PIK3R3: variants seen among roughly 807,000 people sequenced by gnomAD.
PIK3R3 encodes the protein phosphatidylinositol 3-kinase regulatory subunit gamma.
A neutral mutation model predicts 62.9 loss-of-function variants in PIK3R3; 64 were observed. The ratio of observed to expected loss-of-function variants is 1.02; its 90% confidence interval spans 0.83 to 1.25. The LOEUF (loss-of-function observed/expected upper bound fraction) is 1.25. Ranked by LOEUF, PIK3R3 falls within the 50% of genes most tolerant of loss-of-function variation. PIK3R3 has a pLI of 0.00. For synonymous variants in PIK3R3, 165 were observed against 189.0 expected (o/e 0.87, Z 1.04); for missense variants, 614 against 561.6 (o/e 1.09, Z -0.94).
At chr1:46,141,657 A>C in the PIK3R3 span, among the ~76,000 whole-genome samples, 1 of 152,366 alleles carries the variant, frequency 6.6e-6, no homozygotes, top group South Asian at 2.1e-4. Context: ...TGTAAGTCAC[A>C]TTAAATATAG....
At chr1:46,153,911 T>A in the PIK3R3 span, among the ~76,000 whole-genome samples, 2 of 152,222 alleles carry the variant, frequency 1.3e-5, no homozygotes, top group African/African-American at 4.8e-5. Flanking sequence ...TCTGTCAGGA[T>A]CAGATAACTT....
chr1:46,164,086 C>T, the PIK3R3 span, among the ~76,000 whole-genome samples: 1 of 152,180 alleles, frequency 6.6e-6, no homozygotes, highest in Non-Finnish European at 1.5e-5. Context: ...ACGAATAATA[C>T]CTCTCCCATC....
chr1:46,087,683 C>T (rs1014473893), intron 1 of PIK3R3, among the ~76,000 whole-genome samples: 8 of 144,508 alleles, frequency 5.5e-5, no homozygotes, highest in East Asian at 2.0e-4. Context: ...GATCTTCCTG[C>T]CTTGGCCTCC....
In PIK3R3 at chr1:46,066,188, G is replaced by T; in HGVS notation, c.496-9C>A. On this transcript the variant is annotated splice_polypyrimidine_tract_variant and intron_variant, in intron 4 of 9. Transcript: ENST00000262741. ...TCTTTTACCAACTGATCCTATACAG[G>T]TAAAGAAAAAAATAAAGAATGTTAA... 6.5e-7 allele frequency: 1 copy of T among 1,528,976 alleles called. No homozygotes were observed. Among genetic ancestry groups the T allele is most frequent in the South Asian group, 1.2e-5 (1 of 85,290 alleles). The allele number at this position is 1,528,976 out of a possible 1,614,324, so 94.7% of individuals were successfully genotyped here. A position where few individuals can be genotyped will look rare whatever the true frequency, so the allele number is the denominator to read the frequency against.
rs766487740 is a variant in PIK3R3 at position 46,066,984 on chromosome 1, T to C, written c.422A>G (p.His141Arg). The change falls in exon 4 of 10, where the codon CAC (histidine) becomes CGC (arginine). Residue 141 changes from histidine to arginine, a missense_variant. Coordinates refer to ENST00000262741, the MANE Select transcript of PIK3R3 (RefSeq NM_003629.4). ...NSVVELINHY[H>R]HESLAQYNPK... ...ATTGTACTGAGCAAGAGATTCATGGTGATAGTGGTTAATGAGCTCCACCAC... is the reference window on the plus strand; with the variant it reads ...ATTGTACTGAGCAAGAGATTCATGGCGATAGTGGTTAATGAGCTCCACCAC... The C allele has an allele frequency of 1.9e-6, 3 of 1,611,096 alleles. No individual in the cohort carries two copies. The highest frequency in any genetic ancestry group is 2.5e-6 in the Non-Finnish European group (3 of 1,178,738).
chr1:46,166,498 G>C, the PIK3R3 span, among the ~76,000 whole-genome samples: 1 of 152,082 alleles, frequency 6.6e-6, no homozygotes, highest in Non-Finnish European at 1.5e-5. Context: ...GCTGGGAGGC[G>C]TGAGCCACCA....
At chr1:46,053,969 AC>A (rs1385249629) in intron 7 of PIK3R3, among the ~76,000 whole-genome samples, 1 of 152,174 alleles carries the variant, frequency 6.6e-6, no homozygotes, top group Non-Finnish European at 1.5e-5. Flanking sequence ...TGCCTTGTTT[AC>A]AAAGCTCTTC....
intron 1 of PIK3R3, among the ~76,000 whole-genome samples, chr1:46,106,103 G>GTTTA (rs957019640): frequency 1.3e-5 from 2 of 152,046 alleles, no homozygotes; most frequent in Non-Finnish European, 2.9e-5. Context: ...GCAATCATTT[G>GTTTA]TTTATTTATT....
At chr1:46,148,716 C>G in the PIK3R3 span, among the ~76,000 whole-genome samples, 1 of 149,170 alleles carries the variant, frequency 6.7e-6, no homozygotes, top group Admixed American at 6.7e-5. Flanking sequence ...TCTTGAAGAA[C>G]CATTGTTCGT....
At chr1:46,114,579 T>C (rs940295360) in intron 1 of PIK3R3, among the ~76,000 whole-genome samples, 2 of 151,964 alleles carry the variant, frequency 1.3e-5, no homozygotes, top group African/African-American at 2.4e-5. Flanking sequence ...ACTAGACATT[T>C]TGGGGGTAGG....
In PIK3R3 at chr1:46,070,593, G is replaced by T. The variant is rs76942572; in HGVS notation, c.315-3502C>A. Among the ~76,000 whole-genome samples the T allele has an allele frequency of 6.9e-3, 1,045 of 152,288 alleles. 12 individuals carry two copies. The highest frequency in any genetic ancestry group is 0.024 in the African/African-American group (1,008 of 41,562). On this transcript the variant is annotated intron_variant, in intron 3 of 9. Transcript: ENST00000262741. ...TGGGCAGTTTTAAAGGTCACTTAAG[G>T]TTAGTGGTCATAATTAATGTGAAAC...
At chr1:46,145,218 A>G in the PIK3R3 span, among the ~76,000 whole-genome samples, 1 of 151,704 alleles carries the variant, frequency 6.6e-6, no homozygotes, top group Non-Finnish European at 1.5e-5. Flanking sequence ...GGAGGGAGAG[A>G]ACTGACCCCT....
intron 1 of PIK3R3, among the ~76,000 whole-genome samples, chr1:46,122,699 A>C (rs1654783623): frequency 6.6e-6 from 1 of 152,144 alleles, no homozygotes; most frequent in Non-Finnish European, 1.5e-5. Flanking sequence ...AGTTTCAAAC[A>C]CAATTTTACT....
chr1:46,163,456 G>A, the PIK3R3 span, among the ~76,000 whole-genome samples: 36 of 152,296 alleles, frequency 2.4e-4, no homozygotes, highest in African/African-American at 8.7e-4. Flanking sequence ...ATTCCAGCTT[G>A]CCACTTTTTG....
chr1:46,081,175 G>C (rs1256489629), intron 1 of PIK3R3, among the ~76,000 whole-genome samples: 1 of 152,134 alleles, frequency 6.6e-6, no homozygotes, highest in Non-Finnish European at 1.5e-5. Flanking sequence ...ACTATGAAAT[G>C]ATGGTTATGT....
intron 1 of PIK3R3, chr1:46,105,180 C>T: frequency 1.6e-6 from 1 of 606,172 alleles, no homozygotes; most frequent in Non-Finnish European, 3.0e-6. Context: ...CAGTAATCAT[C>T]CCAGCTGGTG....
the PIK3R3 span, among the ~76,000 whole-genome samples, chr1:46,160,390 T>G: frequency 6.6e-6 from 1 of 152,258 alleles, no homozygotes; most frequent in African/African-American, 2.4e-5. Flanking sequence ...TTAGGCACAT[T>G]TGCCTTTTCT....
chr1:46,070,987 C>A (rs1259023479), intron 3 of PIK3R3, among the ~76,000 whole-genome samples: 1 of 152,114 alleles, frequency 6.6e-6, no homozygotes, highest in Non-Finnish European at 1.5e-5. Flanking sequence ...ATCTCTATTT[C>A]TTCACTACCT....
At chr1:46,077,680 C>G in intron 2 of PIK3R3, 67 bp from the exon 3 acceptor site, 1 of 938,150 alleles carries the variant, frequency 1.1e-6, no homozygotes, top group Non-Finnish European at 1.7e-6. Flanking sequence ...GTAGGTGTGC[C>G]TTCTTTACAT....
Sources: allele counts gnomAD v4.1 joint callset (sites outside exome capture counted in the v4.1 genomes callset), GRCh38; gene constraint gnomAD v4.1.1; transcripts MANE v1.5; gene names NCBI Gene and HGNC (gene_info 2026-07-23, HGNC 2026-07-21).